The following FBN1 variants were observed in gnomAD, a reference collection of about 807,000 sequenced individuals.
FBN1 encodes the protein fibrillin 1, also known as fibrillin-1.
In FBN1, 29 loss-of-function variants were observed where a neutral mutation model predicts 365.1. The observed-to-expected ratio is 0.08, with a 90% CI of 0.06 to 0.11. The LOEUF (loss-of-function observed/expected upper bound fraction) is 0.11, where lower values mean the gene tolerates loss of function less well. FBN1 is among the 10% of genes least tolerant of loss of function. FBN1 has a pLI of 1.00. For synonymous variants in FBN1, 1,210 were observed against 1,270.5 expected (o/e 0.95, Z 1.01); for missense variants, 2,476 against 3,703.2 (o/e 0.67, Z 8.60).
rs191042662 is a variant in FBN1 at position 48,433,404 on chromosome 15, G to T, written c.6617-416C>A. ...GCCCCATTCCGCCAAAACAATTGTGGTCAGAACAGAAACCAACTCCTCCAA... is the reference window on the plus strand; with the variant it reads ...GCCCCATTCCGCCAAAACAATTGTGTTCAGAACAGAAACCAACTCCTCCAA... On this transcript the variant is annotated intron_variant, in intron 54 of 65. Coordinates refer to ENST00000316623, the MANE Select transcript of FBN1 (RefSeq NM_000138.5). Among the ~76,000 whole-genome samples the T allele has an allele frequency of 2.6e-5, 4 of 152,244 alleles. No individual in the cohort carries two copies. In the East Asian group the frequency reaches 7.7e-4, roughly 29 times the overall value.
At chr15:48,600,571 G>A (rs2044555491) in intron 4 of FBN1, among the ~76,000 whole-genome samples, 1 of 152,200 alleles carries the variant, frequency 6.6e-6, no homozygotes, top group Non-Finnish European at 1.5e-5. Flanking sequence ...AGGCGTAATG[G>A]CGCATGCCTG....
At chr15:48,616,034 T>C (rs1443088770) in intron 2 of FBN1, among the ~76,000 whole-genome samples, 1 of 152,270 alleles carries the variant, frequency 6.6e-6, no homozygotes, top group African/African-American at 2.4e-5. Context: ...CGTCTTTCAC[T>C]TAAAGCAATA....
intron 34 of FBN1, 43 bp from the exon 35 acceptor site, chr15:48,472,719 G>A: frequency 6.2e-7 from 1 of 1,613,896 alleles, no homozygotes; most frequent in Middle Eastern, 1.7e-4. Context: ...CTCGGTTAGG[G>A]GCTTTCTAAT....
At chr15:48,619,270 C>T (rs1354625847) in intron 2 of FBN1, among the ~76,000 whole-genome samples, 1 of 152,100 alleles carries the variant, frequency 6.6e-6, no homozygotes, top group East Asian at 1.9e-4. Flanking sequence ...CTCTAACTTA[C>T]TTTGTGCAGT....
At chr15:48,623,551 A>G (rs1889810384) in intron 2 of FBN1, among the ~76,000 whole-genome samples, 1 of 152,242 alleles carries the variant, frequency 6.6e-6, no homozygotes, top group African/African-American at 2.4e-5. Flanking sequence ...AAAAAATCCC[A>G]CAAGCAACTA....
chr15:48,485,019 T>C (rs1394791557), intron 30 of FBN1, among the ~76,000 whole-genome samples: 3 of 152,144 alleles, frequency 2.0e-5, no homozygotes, highest in Non-Finnish European at 4.4e-5. Context: ...TTTTAACAAG[T>C]TCTCAGGTGA....
rs1023427243 is a variant in FBN1 at position 48,576,316 on chromosome 15, C to T, written c.538+19967G>A. ...CATATTCTTTTAGGCTCTACAAATCCTTAATTTTCCAATCCTTAATTCTCT... is the reference window on the plus strand; with the variant it reads ...CATATTCTTTTAGGCTCTACAAATCTTTAATTTTCCAATCCTTAATTCTCT... On this transcript the variant is annotated intron_variant, in intron 6 of 65. Coordinates refer to ENST00000316623, the MANE Select transcript of FBN1 (RefSeq NM_000138.5). 2.0e-5 allele frequency among the ~76,000 whole-genome samples: 3 copies of T among 152,180 alleles called. No individual in the cohort carries two copies. In the South Asian group the frequency reaches 6.2e-4, roughly 31 times the overall value.
intron 6 of FBN1, among the ~76,000 whole-genome samples, chr15:48,593,674 T>C (rs1010019290): frequency 2.6e-5 from 4 of 152,216 alleles, no homozygotes; most frequent in Non-Finnish European, 5.9e-5. Flanking sequence ...TCATCATCTA[T>C]GGGTCGTGTA....
intron 54 of FBN1, among the ~76,000 whole-genome samples, chr15:48,434,193 T>C (rs1159769653): frequency 2.0e-5 from 3 of 152,046 alleles, no homozygotes; most frequent in Admixed American, 6.6e-5. Flanking sequence ...TGATGGTGGG[T>C]ATCTTAGTGT....
At chr15:48,629,032 A>G (rs896125497) in intron 2 of FBN1, among the ~76,000 whole-genome samples, 4 of 152,252 alleles carry the variant, frequency 2.6e-5, no homozygotes, top group African/African-American at 9.6e-5. Context: ...GGACTGCAAG[A>G]AACTCTCCAG....
rs1289740895 is a variant in FBN1 at position 48,421,581 on chromosome 15, T to A, written c.7676A>T (p.Asp2559Val). ...TCECQRGFSL[D>V]QTGSSCEDVD... ...ACCTTCACAGCTGGAGCCGGTCTGA[T>A]CAAGTGAGAATCCCCGCTGGCATTC... The change falls in exon 62 of 66, where the codon GAT (aspartate) becomes GTT (valine). Residue 2559 changes from aspartate (D) to valine (V), a missense_variant. Coordinates refer to ENST00000316623, the MANE Select transcript of FBN1 (RefSeq NM_000138.5). The A allele has an allele frequency of 6.2e-7, 1 of 1,613,440 alleles. No individual in the cohort carries two copies. Among genetic ancestry groups the A allele is most frequent in the Non-Finnish European group, 8.5e-7 (1 of 1,179,892 alleles).
chr15:48,643,841 G>A (rs6493332), intron 2 of FBN1: 3 of 152,122 alleles, frequency 2.0e-5, no homozygotes, highest in Admixed American at 6.5e-5. Flanking sequence ...TTCAATACAG[G>A]AAAATGACAA....
At chr15:48,463,024 ACAATT>A in intron 42 of FBN1, 53 bp downstream of exon 42, 1 of 1,545,186 alleles carries the variant, frequency 6.5e-7, no homozygotes, top group Non-Finnish European at 9.0e-7. Flanking sequence ...GATTTCCCCA[ACAATT>A]CATGGGTAAT....
intron 6 of FBN1, among the ~76,000 whole-genome samples, chr15:48,554,521 A>T (rs533742658): frequency 2.0e-5 from 3 of 152,312 alleles, no homozygotes; most frequent in Admixed American, 6.5e-5. Flanking sequence ...CAGCTAAAAA[A>T]ATATATGTAA....
At chr15:48,587,996 C>T (rs1054354001) in intron 6 of FBN1, among the ~76,000 whole-genome samples, 1 of 151,880 alleles carries the variant, frequency 6.6e-6, no homozygotes, top group Non-Finnish European at 1.5e-5. Context: ...ATGCTGCTTT[C>T]TGAAGAGCTG....
In FBN1 at chr15:48,617,422, C is replaced by T. The variant is rs559962808; in HGVS notation, c.165-4330G>A. Among the ~76,000 whole-genome samples, 11 of 152,256 alleles carry T rather than the reference C, an allele frequency of 7.2e-5. No individual in the cohort carries two copies. In the East Asian group the frequency reaches 2.1e-3, roughly 29 times the overall value. ...ACTCCTGACCTCGTGATCCGCCCGC[C>T]TCTGCCTCCCAAAGTGCTGGGATTA... On this transcript the variant is annotated intron_variant, in intron 2 of 65. Transcript: ENST00000316623.
chr15:48,514,813 A>C (rs1055780576), intron 12 of FBN1, among the ~76,000 whole-genome samples: 1 of 152,226 alleles, frequency 6.6e-6, no homozygotes, highest in Non-Finnish European at 1.5e-5. Context: ...TTTTACAATG[A>C]AAGTTAAAAG....
At chr15:48,617,321 C>T (rs1467547240) in intron 2 of FBN1, among the ~76,000 whole-genome samples, 1 of 152,022 alleles carries the variant, frequency 6.6e-6, no homozygotes, top group Admixed American at 6.6e-5. Flanking sequence ...GCTACAGGCA[C>T]ACACCACTAC....
intron 6 of FBN1, among the ~76,000 whole-genome samples, chr15:48,581,980 G>T (rs1269060261): frequency 2.0e-5 from 3 of 152,154 alleles, no homozygotes; most frequent in African/African-American, 7.2e-5. Flanking sequence ...ACTGACTAAG[G>T]TGGTATATGT....
Sources: allele counts gnomAD v4.1 joint callset (sites outside exome capture counted in the v4.1 genomes callset), GRCh38; gene constraint gnomAD v4.1.1; transcripts MANE v1.5; gene names NCBI Gene and HGNC (gene_info 2026-07-23, HGNC 2026-07-21).